The following CTNS variants were observed in gnomAD, a reference collection of about 807,000 sequenced individuals.
CTNS encodes the protein cystinosin.
Under a neutral mutation model 43.7 loss-of-function variants are expected in CTNS, and 27 were observed. The ratio of observed to expected loss-of-function variants is 0.62; its 90% CI spans 0.46 to 0.85. CTNS has a LOEUF of 0.85. CTNS is among the 40% of genes least tolerant of loss of function. CTNS has a pLI of 0.00. For synonymous variants in CTNS, 187 were observed against 190.6 expected (o/e 0.98, Z 0.16); for missense variants, 457 against 475.4 (o/e 0.96, Z 0.36).
chr17:3,656,655 C>T (rs919667517), intron 8 of CTNS, 21 bp from the exon 9 acceptor site: 3 of 1,612,912 alleles, frequency 1.9e-6, no homozygotes, highest in Non-Finnish European at 1.7e-6. Context: ...CACCACCCAG[C>T]TTCTCCCACC....
rs1045802567 is a variant in CTNS at position 3,646,841 on chromosome 17, A to T, written c.62-603A>T. ...AGTTAACAGCTTAATGCCAAGAAGA[A>T]ATCTCAGAGTGAAACAACTATTCAC... On this transcript the variant is annotated intron_variant, in intron 3 of 11. Transcript: ENST00000046640. Among the ~76,000 whole-genome samples, 18 of 152,290 alleles carry T rather than the reference A, an allele frequency of 1.2e-4. No homozygotes were observed. The East Asian group carries it at 3.3e-3, about 28-fold the overall frequency.
rs993378732 is a variant in CTNS, at chr17:3,649,186, C to T, written c.225+255C>T. On this transcript the variant is annotated intron_variant, in intron 5 of 11. Coordinates refer to ENST00000046640, the MANE Select transcript of CTNS (RefSeq NM_004937.3). Reference sequence around the variant, plus strand: ...CGTTCTTACCGGGAGTGGTGGCTCACGCCTGTAATCCCAGCACTCTGGGAG... The same window carrying T: ...CGTTCTTACCGGGAGTGGTGGCTCATGCCTGTAATCCCAGCACTCTGGGAG... 2.0e-5 allele frequency among the ~76,000 whole-genome samples: 3 copies of T among 152,310 alleles called. 1 individual carries two copies. Among genetic ancestry groups the T allele is most frequent in the South Asian group, 4.1e-4 (2 of 4,830 alleles).
intron 3 of CTNS, among the ~76,000 whole-genome samples, chr17:3,646,046 C>T (rs2075835950): frequency 6.6e-6 from 1 of 152,040 alleles, no homozygotes; most frequent in Non-Finnish European, 1.5e-5. Context: ...TGCAAAGACG[C>T]TCCTCATCAC....
At chr17:3,639,161 T>C (rs400113) in intron 2 of CTNS, among the ~76,000 whole-genome samples, 64,650 of 151,888 alleles carry the variant, frequency 0.43, 14,434 homozygotes, top group Non-Finnish European at 0.49. Context: ...AGGAGGCCCG[T>C]GAGACTGTGT....
chr17:3,659,917 G>A lies in CTNS; in HGVS notation c.912G>A (p.Leu304=), dbSNP rs1187582549. 3 of 1,613,982 alleles carry A rather than the reference G, an allele frequency of 1.9e-6. No homozygotes were observed. In the Admixed American group the frequency reaches 5.0e-5, roughly 27 times the overall value. The change falls in exon 11 of 12, where the codon CTG becomes CTA. Residue 304 remains leucine, a synonymous_variant. Coordinates refer to ENST00000046640, the MANE Select transcript of CTNS (RefSeq NM_004937.3). ...GCTGGAGCATTGGCAACGTGCTCCT[G>A]GACTTCACCGGGGGCAGCTTCAGCC... The part of the protein sequence containing the change: ...TEGWSIGNVL[L]DFTGGSFSLL...
intron 3 of CTNS, among the ~76,000 whole-genome samples, chr17:3,646,877 C>T (rs577112900): frequency 6.6e-6 from 1 of 152,300 alleles, no homozygotes; most frequent in South Asian, 2.1e-4. Flanking sequence ...CCTTCCTCCT[C>T]CAGTACCCCG....
intron 5 of CTNS, among the ~76,000 whole-genome samples, chr17:3,653,030 C>T (rs183845869): frequency 4.6e-5 from 7 of 152,306 alleles, no homozygotes; most frequent in South Asian, 4.1e-4. Flanking sequence ...GAGGCTGAGG[C>T]GGGAGGATCG....
In CTNS at chr17:3,647,463, T is replaced by C. The variant is rs774215063; in HGVS notation, c.81T>C (p.Thr27=). 1.9e-6 allele frequency: 3 copies of C among 1,614,046 alleles called. No homozygotes were observed. Among genetic ancestry groups the C allele is most frequent in the African/African-American group, 2.7e-5 (2 of 74,942 alleles). ...VEKCESSVSL[T]VPPVVKLENG... is the part of the protein sequence containing the mutation. ...TTCCAGAGTCAAGCGTCAGCCTCAC[T>C]GTTCCTCCTGTCGTAAAGCTGGAGA... Residue 27 remains threonine, a synonymous_variant, in exon 4 of 12, where the codon ACT becomes ACC. Coordinates refer to ENST00000046640, the MANE Select transcript of CTNS (RefSeq NM_004937.3).
rs869072123 is a variant in CTNS, at chr17:3,641,384, A to ATTTT, written c.61+1139_61+1142dup. Among the ~76,000 whole-genome samples, 41 of 31,194 alleles carry ATTTT rather than the reference A, an allele frequency of 1.3e-3. 1 individual carries two copies. The highest frequency in any genetic ancestry group is 1.6e-3 in the African/African-American group (7 of 4,306). 20.5% of individuals were successfully genotyped at this position (31,194 alleles called of 152,430 possible). ...CATATATATATATATATATATATATATTTTTTTTTTTTTTTTTTTTTTTTT... is the reference window on the plus strand; with the variant it reads ...CATATATATATATATATATATATATATTTTTTTTTTTTTTTTTTTTTTTTTTTTT... On this transcript the variant is annotated intron_variant, in intron 3 of 11. Coordinates refer to ENST00000046640, the MANE Select transcript of CTNS (RefSeq NM_004937.3).
At position 3,659,984 on chromosome 17, in the gene CTNS, G is replaced by T. The variant is rs1159271531; in HGVS notation, c.970+9G>T. ...CCAGTCCTACAACAACGGTGAGTCA[G>T]CCAGCGGGCTGCTGGCCACCCTGCG... On this transcript the variant is annotated intron_variant, in intron 11 of 11. Transcript: ENST00000046640. 2 of 1,607,512 alleles carry T rather than the reference G, an allele frequency of 1.2e-6. No individual in the cohort carries two copies. Among genetic ancestry groups the T allele is most frequent in the African/African-American group, 2.7e-5 (2 of 74,790 alleles).
rs371390464 is a variant in CTNS, at chr17:3,641,154, C to T, written c.61+887C>T. Among the ~76,000 whole-genome samples the T allele has an allele frequency of 2.0e-5, 3 of 151,670 alleles. No homozygotes were observed. The East Asian group carries it at 5.8e-4, about 29-fold the overall frequency. ...GGCTAGGGGTCAGTTGGAACACAGG[C>T]TGGGATGGAGTTTACACGTCCTTGT... On this transcript the variant is annotated intron_variant, in intron 3 of 11. Transcript: ENST00000046640.
rs772467714 is a variant in CTNS, at chr17:3,656,812, C to T, written c.681+17C>T. On this transcript the variant is annotated intron_variant, in intron 9 of 11. Transcript: ENST00000046640. ...CTGTATGAGGTGAGACCAGCCCTGGCCCCCCACAGGCCACCCCAGCCAACA... is the reference window on the plus strand; with the variant it reads ...CTGTATGAGGTGAGACCAGCCCTGGTCCCCCACAGGCCACCCCAGCCAACA... 2.5e-6 allele frequency: 4 copies of T among 1,612,622 alleles called. No individual in the cohort carries two copies. The highest frequency in any genetic ancestry group is 1.7e-5 in the Admixed American group (1 of 60,022).
chr17:3,643,102 C>G (rs2075758728), intron 3 of CTNS, among the ~76,000 whole-genome samples: 1 of 152,058 alleles, frequency 6.6e-6, no homozygotes, highest in East Asian at 1.9e-4. Flanking sequence ...ATCACAAGGT[C>G]AGGAGATCGA....
chr17:3,639,324 G>A (rs1408442573), intron 2 of CTNS, among the ~76,000 whole-genome samples: 3 of 152,036 alleles, frequency 2.0e-5, no homozygotes, highest in African/African-American at 7.2e-5. Context: ...ATCCCTCCCC[G>A]AGTCCTCCTT....
At chr17:3,657,695 C>T (rs1252363585) in intron 9 of CTNS, 2 of 463,572 alleles carry the variant, frequency 4.3e-6, no homozygotes, top group Non-Finnish European at 8.0e-6. Flanking sequence ...TGAGAGGCGC[C>T]CAGTTCTGCC....
intron 2 of CTNS, 40 bp from the exon 3 acceptor site, chr17:3,640,145 TCAA>T (rs2075649580): frequency 6.6e-7 from 1 of 1,520,646 alleles, no homozygotes; most frequent in African/African-American, 1.4e-5. Context: ...CTGAGCTGAT[TCAA>T]CATTCCCCTG....
In CTNS at chr17:3,658,147, C is replaced by A; in HGVS notation, c.824C>A (p.Ala275Glu). 1 of 1,612,376 alleles carries A rather than the reference C, an allele frequency of 6.2e-7. No individual in the cohort carries two copies. Among genetic ancestry groups the A allele is most frequent in the South Asian group, 1.1e-5 (1 of 91,018 alleles). Residue 275 changes from alanine to glutamate, a missense_variant, in exon 10 of 12, where the codon GCA becomes GAA. By Grantham distance (107) the Ala-to-Glu change is moderately radical (BLOSUM62 -1). Transcript: ENST00000046640. The part of the protein sequence containing the change: ...FLFCFSYIKL[A>E]VTLVKYFPQA... The stretch of plus-strand genomic sequence containing the variant: ...TTCTGCTTCTCCTACATCAAGCTCG[C>A]AGTCACGCTGGTCAAGTATTTTCCA...
intron 5 of CTNS, among the ~76,000 whole-genome samples, chr17:3,650,957 C>G (rs2075967293): frequency 6.6e-6 from 1 of 152,028 alleles, no homozygotes; most frequent in Admixed American, 6.6e-5. Context: ...CGCCCACCAC[C>G]AGGCCCAGCT....
At chr17:3,650,113 GCA>G (rs2075943968) in intron 5 of CTNS, 3 of 1,529,560 alleles carry the variant, frequency 2.0e-6, no homozygotes, top group Admixed American at 2.0e-5. Context: ...ATACATCAAA[GCA>G]TCACGTTATA....
Sources: allele counts gnomAD v4.1 joint callset (sites outside exome capture counted in the v4.1 genomes callset), GRCh38; gene constraint gnomAD v4.1.1; transcripts MANE v1.5; gene names NCBI Gene and HGNC (gene_info 2026-07-23, HGNC 2026-07-21).